GRIN2A: variants seen among roughly 807,000 people sequenced by gnomAD.
GRIN2A encodes glutamate receptor ionotropic, NMDA 2A.
A neutral mutation model predicts 113.4 loss-of-function variants in GRIN2A; 22 were observed. The observed-to-expected ratio is 0.19, with a 90% CI of 0.14 to 0.28. The LOEUF is 0.28. Among genes scored for constraint, GRIN2A ranks in the 10% least tolerant of loss-of-function variants. The probability of loss-of-function intolerance (pLI) is 1.00; values close to 1 mark genes in which losing one functional copy is unlikely to be tolerated. For missense variants in GRIN2A, 1,502 were observed against 1,887.0 expected, an observed-to-expected ratio of 0.80 and a Z score of 3.78; for synonymous variants, 827 against 738.4, an observed-to-expected ratio of 1.12 and a Z score of -1.94.
chr16:9,997,482 A>T (rs911008063), intron 2 of GRIN2A, among the ~76,000 whole-genome samples: 5 of 152,192 alleles, frequency 3.3e-5, no homozygotes, highest in African/African-American at 1.2e-4. Flanking sequence ...TTATATACAC[A>T]TATGAATATA....
intron 2 of GRIN2A, among the ~76,000 whole-genome samples, chr16:9,982,478 T>C (rs1023373031): frequency 2.6e-5 from 4 of 152,194 alleles, no homozygotes; most frequent in Non-Finnish European, 4.4e-5. Flanking sequence ...AAATCTTCCT[T>C]TGTCAGCTAT....
At chr16:9,795,309 CCA>C (rs1902910497) in intron 11 of GRIN2A, among the ~76,000 whole-genome samples, 2 of 152,096 alleles carry the variant, frequency 1.3e-5, no homozygotes, top group African/African-American at 4.8e-5. Flanking sequence ...CTGGTCGTCC[CCA>C]CTGCTACACT....
At chr16:9,889,365 G>A (rs1245304456) in intron 4 of GRIN2A, among the ~76,000 whole-genome samples, 1 of 152,024 alleles carries the variant, frequency 6.6e-6, no homozygotes, top group Admixed American at 6.6e-5. Context: ...TCTTTTGTGT[G>A]ATCATTATTG....
rs2045786143 is a variant in GRIN2A, at chr16:9,976,969, G to A, written c.415-38418C>T. The stretch of plus-strand genomic sequence containing the variant: ...ACTGCTGTAAATAAGATTCACTGGA[G>A]ACCTGAAACAGGAGGGCCCAAAATA... On this transcript the variant is annotated intron_variant, in intron 2 of 12. Transcript: ENST00000330684. Among the ~76,000 whole-genome samples, 3 of 152,174 alleles carry A rather than the reference G, an allele frequency of 2.0e-5. No individual in the cohort carries two copies. The South Asian group carries it at 6.2e-4, about 32-fold the overall frequency.
chr16:9,905,633 A>C (rs984633032), intron 3 of GRIN2A, among the ~76,000 whole-genome samples: 1 of 152,208 alleles, frequency 6.6e-6, no homozygotes, highest in Non-Finnish European at 1.5e-5. Context: ...ACGGGACTGC[A>C]TCCCTTCTGG....
chr16:10,055,913 C>T (rs2047450307), intron 2 of GRIN2A, among the ~76,000 whole-genome samples: 1 of 152,142 alleles, frequency 6.6e-6, no homozygotes, highest in Non-Finnish European at 1.5e-5. Context: ...ACTCCCTAAA[C>T]AGCAGGAATT....
chr16:9,825,429 A>G (rs2042369101), intron 9 of GRIN2A, among the ~76,000 whole-genome samples: 1 of 152,180 alleles, frequency 6.6e-6, no homozygotes, highest in African/African-American at 2.4e-5. Context: ...TTTTCCATCC[A>G]ATATGGAGGC....
chr16:9,772,648 T>C (rs984410572), intron 11 of GRIN2A, among the ~76,000 whole-genome samples: 1 of 152,080 alleles, frequency 6.6e-6, no homozygotes, highest in African/African-American at 2.4e-5. Flanking sequence ...AGTGCTAGGA[T>C]TACAGGCGTG....
At chr16:10,036,700 C>A (rs755114175) in intron 2 of GRIN2A, among the ~76,000 whole-genome samples, 11 of 151,888 alleles carry the variant, frequency 7.2e-5, no homozygotes, top group Non-Finnish European at 1.5e-4. Flanking sequence ...CCCACCTCGG[C>A]CTCCCAAAAT....
intron 2 of GRIN2A, among the ~76,000 whole-genome samples, chr16:10,161,552 G>C (rs1041359163): frequency 1.3e-5 from 2 of 152,196 alleles, no homozygotes; most frequent in East Asian, 1.9e-4. Flanking sequence ...TCAGAGAAAA[G>C]GCCACAAAGG....
At chr16:10,111,093 T>C (rs150576944) in intron 2 of GRIN2A, among the ~76,000 whole-genome samples, 228 of 152,342 alleles carry the variant, frequency 1.5e-3, no homozygotes, top group African/African-American at 5.1e-3. Context: ...ATGAGACAGT[T>C]TGGAGGCTTT....
At chr16:9,975,467 G>A (rs1218191293) in intron 2 of GRIN2A, among the ~76,000 whole-genome samples, 1 of 152,164 alleles carries the variant, frequency 6.6e-6, no homozygotes, top group Non-Finnish European at 1.5e-5. Flanking sequence ...GGAGCTACAT[G>A]GAAAGCATGA....
intron 11 of GRIN2A, among the ~76,000 whole-genome samples, chr16:9,796,458 A>G (rs773526899): frequency 6.6e-6 from 1 of 152,224 alleles, no homozygotes; most frequent in Non-Finnish European, 1.5e-5. Context: ...CAGTGTCCAC[A>G]CTATTGCCAT....
intron 2 of GRIN2A, among the ~76,000 whole-genome samples, chr16:10,129,079 G>A (rs933839127): frequency 2.6e-5 from 4 of 151,892 alleles, no homozygotes; most frequent in Non-Finnish European, 4.4e-5. Context: ...TACTACGTGC[G>A]TGACTTACTT....
At chr16:10,104,099 G>A (rs1210497877) in intron 2 of GRIN2A, among the ~76,000 whole-genome samples, 1 of 152,204 alleles carries the variant, frequency 6.6e-6, no homozygotes, top group Non-Finnish European at 1.5e-5. Flanking sequence ...GAAAACAAGA[G>A]TAGGCAGAGG....
At chr16:10,059,671 C>T (rs2047516019) in intron 2 of GRIN2A, among the ~76,000 whole-genome samples, 1 of 147,292 alleles carries the variant, frequency 6.8e-6, no homozygotes, top group African/African-American at 2.5e-5. Context: ...TCTCCTGTAG[C>T]TAATGAAGGG....
chr16:9,786,948 C>A (rs766955077), intron 11 of GRIN2A, among the ~76,000 whole-genome samples: 2 of 152,182 alleles, frequency 1.3e-5, no homozygotes, highest in East Asian at 1.9e-4. Context: ...ATCCTACAGA[C>A]AATAAAGTCT....
chr16:10,109,788 C>A (rs906736055), intron 2 of GRIN2A, among the ~76,000 whole-genome samples: 1 of 151,894 alleles, frequency 6.6e-6, no homozygotes, highest in East Asian at 1.9e-4. Flanking sequence ...GGGATGGAGA[C>A]CTCATTTTCC....
chr16:9,779,171 G>T (rs1345797966), intron 11 of GRIN2A, among the ~76,000 whole-genome samples: 1 of 152,224 alleles, frequency 6.6e-6, no homozygotes, highest in African/African-American at 2.4e-5. Flanking sequence ...AAAGCATGGA[G>T]CCTGGTCTCC....
Sources: gnomAD v4.1 joint callset for allele counts (sites outside exome capture counted in the v4.1 genomes callset) on GRCh38, gnomAD v4.1.1 for gene constraint, MANE v1.5 for transcripts, NCBI Gene and HGNC (gene_info 2026-07-23, HGNC 2026-07-21) for gene names.